The following PDE4D variants were observed in gnomAD, a reference collection of about 807,000 sequenced individuals.
The protein encoded by PDE4D is phosphodiesterase 4D.
A neutral mutation model predicts 87.4 loss-of-function variants in PDE4D; 24 were observed. The observed-to-expected ratio is 0.27, with a 90% CI of 0.20 to 0.39. The LOEUF (loss-of-function observed/expected upper bound fraction) is 0.39, where lower values mean the gene tolerates loss of function less well. PDE4D is among the 10% of genes least tolerant of loss of function. The pLI, the probability that PDE4D is intolerant of heterozygous loss-of-function variation, is 1.00. For synonymous variants in PDE4D, 384 were observed against 383.2 expected, an observed-to-expected ratio of 1.00 and a Z score of -0.02; for missense variants, 714 against 1,041.0, an observed-to-expected ratio of 0.69 and a Z score of 4.32.
At chr5:60,290,425 C>T (rs1050657610) in intron 1 of PDE4D, among the ~76,000 whole-genome samples, 2 of 152,004 alleles carry the variant, frequency 1.3e-5, no homozygotes, top group Non-Finnish European at 1.5e-5. Context: ...TGACTATAGA[C>T]GAGCAGAGAA....
intron 1 of PDE4D, among the ~76,000 whole-genome samples, chr5:60,267,877 C>T (rs375671095): frequency 5.3e-4 from 81 of 152,264 alleles, no homozygotes; most frequent in Non-Finnish European, 8.8e-4. Context: ...TTTATCAGGG[C>T]GCTGTAGGAG....
intron 1 of PDE4D, among the ~76,000 whole-genome samples, chr5:60,209,442 C>G (rs1006106920): frequency 6.6e-6 from 1 of 152,098 alleles, no homozygotes; most frequent in Non-Finnish European, 1.5e-5. Flanking sequence ...ATCTAAAAAA[C>G]AAACACACTA....
chr5:59,617,469 G>A (rs1305682235), intron 1 of PDE4D, among the ~76,000 whole-genome samples: 4 of 152,168 alleles, frequency 2.6e-5, no homozygotes, highest in African/African-American at 4.8e-5. Context: ...CTCCTCGTAC[G>A]TGAGAATGTG....
Position 60,458,386 on chromosome 5 carries a change from CAAAAAA to C in PDE4D, c.-90+29550_-90+29555del, listed in dbSNP as rs61006284. Among the ~76,000 whole-genome samples the C allele has an allele frequency of 3.5e-3, 264 of 75,192 alleles. 2 individuals are homozygous for C. The highest frequency in any genetic ancestry group is 0.013 in the African/African-American group (239 of 17,818). The allele number at this position is 75,192 out of a possible 152,430, so 49.3% of individuals were successfully genotyped here. On this transcript the variant is annotated intron_variant, in intron 1 of 16. Transcript: ENST00000502484. The stretch of plus-strand genomic sequence containing the variant: ...TGGGCAACAGGGTGAGACTTCATTG[CAAAAAA>C]AAAAAAAAAAAAAAAAGCAAAAGAA...
chr5:60,379,998 C>A (rs1761732865), intron 1 of PDE4D, among the ~76,000 whole-genome samples: 1 of 152,134 alleles, frequency 6.6e-6, no homozygotes. Context: ...CAAAAAAGAG[C>A]CCTCAATCTC....
chr5:59,001,462 T>G (rs1750517308), intron 6 of PDE4D, among the ~76,000 whole-genome samples: 1 of 152,210 alleles, frequency 6.6e-6, no homozygotes, highest in Admixed American at 6.5e-5. Context: ...TGTTAACATC[T>G]GTTGTATTCA....
intron 1 of PDE4D, among the ~76,000 whole-genome samples, chr5:59,829,256 C>T (rs1056394072): frequency 4.0e-5 from 6 of 151,788 alleles, no homozygotes; most frequent in Non-Finnish European, 8.8e-5. Context: ...AGAATAGATA[C>T]TTTTTTTGGT....
Position 59,091,661 on chromosome 5 carries a change from G to T in PDE4D, c.809-52690C>A, listed in dbSNP as rs111310061. On this transcript the variant is annotated intron_variant, in intron 5 of 14. Coordinates refer to ENST00000340635, the MANE Select transcript of PDE4D (RefSeq NM_001104631.2). ...GTAGGAAAAGTAAAAGTAAAGTCAA[G>T]ATAGTGGTGACCTATCTGGAGAGGA... is the stretch of plus-strand genomic sequence containing the variant. 2.6e-3 allele frequency among the ~76,000 whole-genome samples: 390 copies of T among 152,206 alleles called. 3 individuals are homozygous for T. The highest frequency in any genetic ancestry group is 8.7e-3 in the African/African-American group (361 of 41,558).
intron 5 of PDE4D, among the ~76,000 whole-genome samples, chr5:59,114,450 T>C (rs2153441168): frequency 6.6e-6 from 1 of 152,350 alleles, no homozygotes; most frequent in Non-Finnish European, 1.5e-5. Context: ...TGAAGAATTT[T>C]ATAAACCCAT....
At chr5:60,211,208 A>G (rs188208292) in intron 1 of PDE4D, among the ~76,000 whole-genome samples, 518 of 152,316 alleles carry the variant, frequency 3.4e-3, no homozygotes, top group Middle Eastern at 0.02. Context: ...CTCTGCACCC[A>G]GGGACCCTCA....
intron 1 of PDE4D, among the ~76,000 whole-genome samples, chr5:60,510,004 A>G (rs1214846942): frequency 1.3e-5 from 2 of 152,174 alleles, no homozygotes; most frequent in Non-Finnish European, 2.9e-5. Flanking sequence ...GAAACATCAC[A>G]GCTAGTTCCA....
chr5:59,296,061 T>C (rs977251562), intron 1 of PDE4D, among the ~76,000 whole-genome samples: 10 of 151,834 alleles, frequency 6.6e-5, no homozygotes, highest in African/African-American at 1.9e-4. Flanking sequence ...TCAATCGTGA[T>C]GCTAATTCAA....
intron 1 of PDE4D, among the ~76,000 whole-genome samples, chr5:59,389,353 A>C (rs1787768999): frequency 6.6e-6 from 1 of 151,754 alleles, no homozygotes; most frequent in African/African-American, 2.4e-5. Flanking sequence ...ATTAGTTTCT[A>C]AGGATTGTTT....
intron 5 of PDE4D, among the ~76,000 whole-genome samples, chr5:59,047,061 G>A (rs1760828886): frequency 1.3e-5 from 2 of 152,126 alleles, no homozygotes; most frequent in Non-Finnish European, 2.9e-5. Context: ...TCAAGTGAGA[G>A]GTTGTGAGTT....
At chr5:60,341,178 A>G (rs1758286126) in intron 1 of PDE4D, among the ~76,000 whole-genome samples, 1 of 152,164 alleles carries the variant, frequency 6.6e-6, no homozygotes, top group South Asian at 2.1e-4. Flanking sequence ...AAAGAACAGT[A>G]GAAACTACAA....
chr5:59,323,212 A>C (rs1315000659), intron 1 of PDE4D, among the ~76,000 whole-genome samples: 1 of 151,994 alleles, frequency 6.6e-6, no homozygotes, highest in Non-Finnish European at 1.5e-5. Flanking sequence ...ATTCAACTAA[A>C]ATTTTTTTCT....
chr5:60,001,753 T>A (rs1051608089), intron 2 of PDE4D, among the ~76,000 whole-genome samples: 1 of 151,836 alleles, frequency 6.6e-6, no homozygotes, highest in Non-Finnish European at 1.5e-5. Context: ...TAGCACAAAA[T>A]GACGGGGGAA....
intron 1 of PDE4D, among the ~76,000 whole-genome samples, chr5:60,303,593 C>G (rs921682839): frequency 1.3e-5 from 2 of 152,188 alleles, no homozygotes; most frequent in African/African-American, 4.8e-5. Context: ...AGGCGTGAGC[C>G]ACCGCGCCCG....
intron 1 of PDE4D, among the ~76,000 whole-genome samples, chr5:60,269,026 G>A (rs781235709): frequency 8.5e-5 from 13 of 152,284 alleles, no homozygotes; most frequent in Admixed American, 4.6e-4. Flanking sequence ...TTTCTTGGCC[G>A]GGCGCGGTGG....
Sources: allele counts gnomAD v4.1 joint callset (sites outside exome capture counted in the v4.1 genomes callset), GRCh38; gene constraint gnomAD v4.1.1; transcripts MANE v1.5; gene names NCBI Gene and HGNC (gene_info 2026-07-23, HGNC 2026-07-21).